Variants in DDHD1 observed in about 807,000 individuals in gnomAD.
DDHD1 encodes the protein phospholipase DDHD1.
In DDHD1, 49 loss-of-function variants were observed where a neutral mutation model predicts 96.4. That is an observed-to-expected ratio of 0.51 (90% CI 0.40 to 0.64). The LOEUF (loss-of-function observed/expected upper bound fraction) is 0.64. DDHD1 is among the 30% of genes least tolerant of loss of function. The pLI, the probability that DDHD1 is intolerant of heterozygous loss-of-function variation, is 0.00. For missense variants in DDHD1, 1,106 were observed against 1,161.2 expected (o/e 0.95, Z 0.69); for synonymous variants, 442 against 446.5 (o/e 0.99, Z 0.13).
At chr14:53,053,486 T>C (rs1882781673) in intron 11 of DDHD1, 1 of 151,950 alleles carries the variant, frequency 6.6e-6, no homozygotes, top group African/African-American at 2.4e-5. Context: ...TGGAGTGGAG[T>C]TGACTGTGGA....
chr14:53,088,088 C>A (rs185341074), intron 4 of DDHD1, among the ~76,000 whole-genome samples: 2 of 152,264 alleles, frequency 1.3e-5, no homozygotes, highest in African/African-American at 2.4e-5. Flanking sequence ...AATTCCTGGA[C>A]ACATACACCT....
At chr14:53,128,858 A>T (rs1889654931) in intron 1 of DDHD1, among the ~76,000 whole-genome samples, 1 of 152,158 alleles carries the variant, frequency 6.6e-6, no homozygotes, top group Non-Finnish European at 1.5e-5. Flanking sequence ...CACCATTGTG[A>T]TATGTTCCTG....
At chr14:53,067,786 A>T (rs928888376) in intron 6 of DDHD1, among the ~76,000 whole-genome samples, 16 of 152,348 alleles carry the variant, frequency 1.1e-4, no homozygotes, top group Non-Finnish European at 1.9e-4. Context: ...AATTTCAAAT[A>T]TATAAAATGT....
At position 53,152,349 on chromosome 14, in the gene DDHD1, C is replaced by T. The variant is rs1039243599; in HGVS notation, c.750G>A (p.Glu250=). 6.2e-6 allele frequency: 10 copies of T among 1,613,976 alleles called. No individual in the cohort carries two copies. The highest frequency in any genetic ancestry group is 2.2e-5 in the East Asian group (1 of 44,866). The change falls in exon 1 of 13, where the codon GAG becomes GAA. Residue 250 remains glutamate (E), a synonymous_variant. Transcript: ENST00000673822. ...STTGHEPEMV[E]LVNIEPVCVR... ...CGCACACAGGCTCGATGTTCACAAG[C>T]TCCACCATCTCCGGCTCGTGCCCCG...
At chr14:53,059,004 TG>T (rs940917725) in intron 8 of DDHD1, among the ~76,000 whole-genome samples, 1 of 152,112 alleles carries the variant, frequency 6.6e-6, no homozygotes, top group Non-Finnish European at 1.5e-5. Flanking sequence ...TACAGTCCTG[TG>T]GGGAAAGCAG....
intron 2 of DDHD1, chr14:53,096,054 G>A (rs139704604): frequency 1.2e-6 from 1 of 819,922 alleles, no homozygotes; most frequent in East Asian, 1.3e-4. Context: ...TGCTTTAAAT[G>A]CAACTGAATA....
chr14:53,063,208 G>A lies in DDHD1; in HGVS notation c.1504-3C>T. 1.2e-6 allele frequency: 2 copies of A among 1,611,144 alleles called. No individual in the cohort carries two copies. Among genetic ancestry groups the A allele is most frequent in the Non-Finnish European group, 1.7e-6 (2 of 1,179,112 alleles). On this transcript the variant is annotated splice_polypyrimidine_tract_variant and splice_region_variant and intron_variant, in intron 6 of 12. Transcript: ENST00000673822. Reference sequence around the variant, plus strand: ...TCTTGCTGAAGGCCTTTAACTAGCTGTTTGAAATAAGAAAACATTATCATA... The same window carrying A: ...TCTTGCTGAAGGCCTTTAACTAGCTATTTGAAATAAGAAAACATTATCATA...
chr14:53,072,451 C>T (rs919509767), intron 6 of DDHD1, 146 bp downstream of exon 6: 9 of 427,070 alleles, frequency 2.1e-5, no homozygotes, highest in African/African-American at 1.8e-4. Context: ...TGAAGACTAT[C>T]AAATTTATTA....
chr14:53,108,806 G>T (rs1267626133), intron 1 of DDHD1, among the ~76,000 whole-genome samples: 1 of 152,068 alleles, frequency 6.6e-6, no homozygotes, highest in Non-Finnish European at 1.5e-5. Flanking sequence ...TTAGATTTCT[G>T]CTTCTAAGTT....
Position 53,058,416 on chromosome 14 carries a change from A to ATGCTTG in DDHD1, c.1992+60_1992+61insCAAGCA, listed in dbSNP as rs565444674. 9.6e-5 allele frequency: 148 copies of ATGCTTG among 1,546,376 alleles called. 1 individual carries two copies. The East Asian group carries it at 3.1e-3, about 33-fold the overall frequency. On this transcript the variant is annotated intron_variant, in intron 9 of 12. Coordinates refer to ENST00000673822, the MANE Select transcript of DDHD1 (RefSeq NM_001160148.2). ...AAGCGTGAGCCACTGTGCCCAGCTG[A>ATGCTTG]TAGATTCTTTTTAGGAACAATTTGA...
intron 12 of DDHD1, among the ~76,000 whole-genome samples, chr14:53,047,382 T>C (rs1210576946): frequency 6.6e-6 from 1 of 152,194 alleles, no homozygotes; most frequent in Non-Finnish European, 1.5e-5. Flanking sequence ...AATCTCCTCC[T>C]TAGGGAGGCC....
intron 1 of DDHD1, among the ~76,000 whole-genome samples, chr14:53,128,887 A>G (rs1044440796): frequency 6.6e-6 from 1 of 152,182 alleles, no homozygotes; most frequent in Non-Finnish European, 1.5e-5. Flanking sequence ...TAACTGATCA[A>G]CTGACCTTAT....
At chr14:53,136,630 A>G (rs1167593252) in intron 1 of DDHD1, among the ~76,000 whole-genome samples, 1 of 152,206 alleles carries the variant, frequency 6.6e-6, no homozygotes, top group Non-Finnish European at 1.5e-5. Flanking sequence ...CAGAGCTCAT[A>G]TAAGGCAATA....
At chr14:53,069,185 C>T (rs927214160) in intron 6 of DDHD1, among the ~76,000 whole-genome samples, 1 of 152,118 alleles carries the variant, frequency 6.6e-6, no homozygotes, top group Admixed American at 6.5e-5. Context: ...TGTCCCAGCC[C>T]CAGAATCAGC....
In DDHD1 at chr14:53,042,482, T is replaced by G. The variant is rs972956120; in HGVS notation, c.*4286A>C. The G allele has an allele frequency of 6.6e-6, 1 of 152,224 alleles. No individual in the cohort carries two copies. Among genetic ancestry groups the G allele is most frequent in the Admixed American group, 6.5e-5 (1 of 15,276 alleles). 9.4% of individuals were successfully genotyped at this position (152,224 alleles called of 1,614,324 possible). ...ATGACCTTTACTGCTATTTAAATGC[T>G]GACATGATACTGTAACAGGGTTGGA... is the stretch of plus-strand genomic sequence containing the variant. On this transcript the variant is annotated 3_prime_UTR_variant, in exon 13 of 13. Transcript: ENST00000673822.
At chr14:53,120,623 G>C (rs1173241244) in intron 1 of DDHD1, among the ~76,000 whole-genome samples, 1 of 152,102 alleles carries the variant, frequency 6.6e-6, no homozygotes, top group Non-Finnish European at 1.5e-5. Flanking sequence ...GAACAGAACA[G>C]AGACCTCAGA....
At chr14:53,054,148 G>A (rs1048246977) in intron 11 of DDHD1, 3 of 283,582 alleles carry the variant, frequency 1.1e-5, no homozygotes, top group African/African-American at 2.2e-5. Context: ...AAACTTCAGG[G>A]GGTACTTACC....
In DDHD1 at chr14:53,040,207, G is replaced by A. The variant is rs1881556268; in HGVS notation, c.*6561C>T. ...AGCTATGGTCACTGACTGAACCCTG[G>A]ACTGAGAAATTGTGAATGAACCATA... is the stretch of plus-strand genomic sequence containing the variant. On this transcript the variant is annotated 3_prime_UTR_variant, in exon 13 of 13. Coordinates refer to ENST00000673822, the MANE Select transcript of DDHD1 (RefSeq NM_001160148.2). 6.6e-6 allele frequency: 1 copy of A among 152,174 alleles called. No homozygotes were observed. Among genetic ancestry groups the A allele is most frequent in the African/African-American group, 2.4e-5 (1 of 41,440 alleles). The allele number at this position is 152,174 out of a possible 1,614,324, so 9.4% of individuals were successfully genotyped here. A position where few individuals can be genotyped will look rare whatever the true frequency, so the allele number is the denominator to read the frequency against.
intron 2 of DDHD1, among the ~76,000 whole-genome samples, chr14:53,100,897 T>C (rs1018074779): frequency 6.6e-6 from 1 of 152,216 alleles, no homozygotes; most frequent in Non-Finnish European, 1.5e-5. Context: ...ATATGTAATA[T>C]TGACTGTCTA....
Sources: gnomAD v4.1 joint callset for allele counts (sites outside exome capture counted in the v4.1 genomes callset) on GRCh38, gnomAD v4.1.1 for gene constraint, MANE v1.5 for transcripts, NCBI Gene and HGNC (gene_info 2026-07-23, HGNC 2026-07-21) for gene names.